Variants in NRG1 observed in about 807,000 individuals in gnomAD.
NRG1 encodes the protein pro-neuregulin-1, membrane-bound isoform.
In NRG1, 18 loss-of-function variants were observed where a neutral mutation model predicts 63.8. That is an observed-to-expected ratio of 0.28 (90% CI 0.19 to 0.42). The LOEUF is 0.42. Ranked by LOEUF, NRG1 falls within the 10% of genes least tolerant of loss-of-function variation. NRG1 has a pLI of 1.00. For missense variants in NRG1, 762 were observed against 814.7 expected (o/e 0.94, Z 0.79); for synonymous variants, 302 against 301.3 (o/e 1.00, Z -0.02).
chr8:32,411,971 C>G (rs1388175601), intron 1 of NRG1, among the ~76,000 whole-genome samples: 1 of 152,140 alleles, frequency 6.6e-6, no homozygotes, highest in African/African-American at 2.4e-5. Flanking sequence ...GGGTCCCAGA[C>G]ATTTGTCCAG....
At chr8:32,059,582 AGAG>A (rs1415418121) in intron 1 of NRG1, among the ~76,000 whole-genome samples, 6 of 152,028 alleles carry the variant, frequency 3.9e-5, no homozygotes, top group Non-Finnish European at 8.8e-5. Context: ...TAGGTTGAAA[AGAG>A]TTTTCCTTTC....
At chr8:31,651,256 C>T (rs1030188776) in intron 1 of NRG1, among the ~76,000 whole-genome samples, 7 of 152,148 alleles carry the variant, frequency 4.6e-5, no homozygotes, top group African/African-American at 1.4e-4. Context: ...TCGCTGGCAT[C>T]GTCTTTTCAA....
chr8:32,473,780 C>A (rs964816101), intron 1 of NRG1, among the ~76,000 whole-genome samples: 2 of 152,146 alleles, frequency 1.3e-5, no homozygotes, highest in African/African-American at 4.8e-5. Context: ...AACTCCTGGG[C>A]TCCATTGATC....
intron 1 of NRG1, among the ~76,000 whole-genome samples, chr8:32,121,692 A>T (rs1199611926): frequency 6.6e-6 from 1 of 151,946 alleles, no homozygotes; most frequent in Non-Finnish European, 1.5e-5. Flanking sequence ...CCGTAATAAG[A>T]ACAATGGATA....
chr8:31,789,336 C>T (rs1280084579), intron 1 of NRG1, among the ~76,000 whole-genome samples: 1 of 152,172 alleles, frequency 6.6e-6, no homozygotes, highest in Non-Finnish European at 1.5e-5. Flanking sequence ...TTAGCTGTGG[C>T]TGTAGCAGGC....
intron 1 of NRG1, among the ~76,000 whole-genome samples, chr8:32,405,734 T>G (rs1813875160): frequency 6.6e-6 from 1 of 152,174 alleles, no homozygotes; most frequent in Admixed American, 6.6e-5. Flanking sequence ...TCATGAGTAT[T>G]TTACCATAAT....
intron 1 of NRG1, among the ~76,000 whole-genome samples, chr8:32,272,148 AT>A (rs1851614198): frequency 6.6e-6 from 1 of 152,156 alleles, no homozygotes; most frequent in African/African-American, 2.4e-5. Flanking sequence ...AAACAAAGAC[AT>A]TTGTTTCCCA....
intron 1 of NRG1, among the ~76,000 whole-genome samples, chr8:32,479,265 C>G (rs1477712493): frequency 1.3e-5 from 2 of 151,924 alleles, no homozygotes; most frequent in African/African-American, 4.8e-5. Flanking sequence ...CACCTGAGGT[C>G]AGGAGCTTGA....
At chr8:32,242,676 C>T (rs937434948) in intron 1 of NRG1, among the ~76,000 whole-genome samples, 6 of 152,026 alleles carry the variant, frequency 3.9e-5, no homozygotes, top group Non-Finnish European at 8.8e-5. Flanking sequence ...AGCAGATGTC[C>T]TCTGAATCAG....
Position 32,742,671 on chromosome 8 carries a change from T to C in NRG1, c.633-4T>C. ...TACCATTGTTTTTTTGTTTCTTCTC[T>C]CAGGTGCCCAAATGAGTTTACTGGT... On this transcript the variant is annotated splice_region_variant and splice_polypyrimidine_tract_variant and intron_variant, in intron 6 of 11. Transcript: ENST00000356819. The surrounding 1 kb of genome is among the most constrained non-coding windows in gnomAD (Gnocchi z 4.2). The C allele has an allele frequency of 3.1e-6, 5 of 1,613,458 alleles. No homozygotes were observed. The highest frequency in any genetic ancestry group is 4.2e-6 in the Non-Finnish European group (5 of 1,179,494).
intron 1 of NRG1, among the ~76,000 whole-genome samples, chr8:32,516,949 A>G (rs1829877364): frequency 6.6e-6 from 1 of 151,404 alleles, no homozygotes; most frequent in Admixed American, 6.6e-5. Flanking sequence ...TCTCTAGCAG[A>G]TTGGAAAGAT....
At chr8:32,649,301 T>C (rs942180248) in intron 5 of NRG1, among the ~76,000 whole-genome samples, 1 of 152,204 alleles carries the variant, frequency 6.6e-6, no homozygotes. Flanking sequence ...TGCAATAGCT[T>C]TAGAGTGGAA....
intron 1 of NRG1, among the ~76,000 whole-genome samples, chr8:32,124,114 G>C (rs570320554): frequency 1.3e-5 from 2 of 151,948 alleles, no homozygotes; most frequent in Admixed American, 1.3e-4. Context: ...TTGCATAAAT[G>C]ACATGTGACA....
At chr8:31,953,139 C>T (rs1803755385) in intron 1 of NRG1, among the ~76,000 whole-genome samples, 4 of 151,718 alleles carry the variant, frequency 2.6e-5, no homozygotes, top group Admixed American at 2.6e-4. Flanking sequence ...ATAGGAAACA[C>T]AGCATACAAA....
At chr8:31,659,544 G>T (rs898076488) in intron 1 of NRG1, among the ~76,000 whole-genome samples, 1 of 152,080 alleles carries the variant, frequency 6.6e-6, no homozygotes, top group African/African-American at 2.4e-5. Context: ...AGGAGCAACA[G>T]ATTGGGGTAG....
chr8:32,284,889 G>A (rs186957795), intron 1 of NRG1, among the ~76,000 whole-genome samples: 1 of 152,274 alleles, frequency 6.6e-6, no homozygotes, highest in East Asian at 1.9e-4. Context: ...CATATGCTGA[G>A]CTTCCCGTCA....
At chr8:32,759,146 C>T (rs895002044) in intron 9 of NRG1, among the ~76,000 whole-genome samples, 160 bp from the exon 10 acceptor site, 2 of 152,048 alleles carry the variant, frequency 1.3e-5, no homozygotes, top group African/African-American at 2.4e-5. Flanking sequence ...GGATTTTCCA[C>T]CTGGCCATTG....
At position 31,842,483 on chromosome 8, in the gene NRG1, G is replaced by A. The variant is rs148013286; in HGVS notation, c.37+203052G>A. On this transcript the variant is annotated intron_variant, in intron 1 of 10. Transcript: ENST00000519301. ...CCCATTCCTAAATCCTAATTTAGCT[G>A]TGGGAAGTTTGGATCAATGGAAATT... Among the ~76,000 whole-genome samples the A allele has an allele frequency of 3.7e-3, 570 of 152,274 alleles. 1 individual carries two copies. Among genetic ancestry groups the A allele is most frequent in the Middle Eastern group, 0.024 (7 of 294 alleles).
At chr8:32,126,062 A>G (rs1436204909) in intron 1 of NRG1, among the ~76,000 whole-genome samples, 2 of 151,826 alleles carry the variant, frequency 1.3e-5, no homozygotes, top group Non-Finnish European at 2.9e-5. Flanking sequence ...TGCAGACTCC[A>G]AGACAGGGGC....
Sources: gnomAD v4.1 joint callset for allele counts (sites outside exome capture counted in the v4.1 genomes callset) on GRCh38, gnomAD v4.1.1 for gene constraint, Gnocchi (gnomAD v3.1) non-coding constraint, MANE v1.5 for transcripts, NCBI Gene and HGNC (gene_info 2026-07-23, HGNC 2026-07-21) for gene names.